The following SNTB1 variants were observed in gnomAD, a reference collection of about 807,000 sequenced individuals.
The protein encoded by SNTB1 is syntrophin beta 1, also known as beta-1-syntrophin.
SNTB1 carries 36 observed loss-of-function variants against 48.9 expected under a neutral mutation model. That is an observed-to-expected ratio of 0.74 (90% CI 0.56 to 0.97). SNTB1 has a LOEUF of 0.97. SNTB1 is among the 50% of genes least tolerant of loss of function. SNTB1 has a pLI of 0.00. For missense variants in SNTB1, 786 were observed against 703.4 expected (o/e 1.12, Z -1.33); for synonymous variants, 299 against 294.6 (o/e 1.01, Z -0.15).
chr8:120,616,265 C>G (rs1480593439), intron 3 of SNTB1, among the ~76,000 whole-genome samples: 1 of 150,722 alleles, frequency 6.6e-6, no homozygotes, highest in Non-Finnish European at 1.5e-5. Flanking sequence ...GATTCGACTA[C>G]TTGACTCAAC....
At chr8:120,804,313 T>C (rs73707130) in intron 1 of SNTB1, among the ~76,000 whole-genome samples, 3,655 of 152,098 alleles carry the variant, frequency 0.024, 130 homozygotes, top group African/African-American at 0.084. Flanking sequence ...TAACACATTT[T>C]AACAGCCTAA....
chr8:120,704,962 G>T (rs2129900937), intron 1 of SNTB1, among the ~76,000 whole-genome samples: 1 of 152,344 alleles, frequency 6.6e-6, no homozygotes, highest in African/African-American at 2.4e-5. Context: ...CCATAAGAAA[G>T]TAATAGGATA....
chr8:120,732,715 G>A (rs942789239), intron 1 of SNTB1, among the ~76,000 whole-genome samples: 6 of 152,108 alleles, frequency 3.9e-5, no homozygotes, highest in African/African-American at 1.4e-4. Context: ...GCATGTTGGC[G>A]CATGCCTGTA....
chr8:120,632,992 A>G (rs936332975), intron 2 of SNTB1, among the ~76,000 whole-genome samples: 7 of 152,172 alleles, frequency 4.6e-5, no homozygotes, highest in Non-Finnish European at 1.0e-4. Flanking sequence ...AATTTGCTTT[A>G]CTTCTTAATT....
intron 1 of SNTB1, among the ~76,000 whole-genome samples, chr8:120,701,680 A>G (rs570260755): frequency 6.6e-6 from 1 of 152,294 alleles, no homozygotes; most frequent in East Asian, 1.9e-4. Context: ...CATTATCTAG[A>G]AGAATCATTA....
At chr8:120,564,438 C>T (rs1186275997) in intron 4 of SNTB1, among the ~76,000 whole-genome samples, 1 of 151,304 alleles carries the variant, frequency 6.6e-6, no homozygotes, top group Non-Finnish European at 1.5e-5. Flanking sequence ...GGCTTCCAGC[C>T]TCTAGAATTG....
At chr8:120,578,983 G>C (rs9969413) in intron 3 of SNTB1, among the ~76,000 whole-genome samples, 137,981 of 152,174 alleles carry the variant, frequency 0.91, 62,641 homozygotes, top group Middle Eastern at 0.96. Context: ...TTGAGACCAG[G>C]CTGGCCAGCA....
chr8:120,722,037 C>T (rs1361621041), intron 1 of SNTB1, among the ~76,000 whole-genome samples: 1 of 152,160 alleles, frequency 6.6e-6, no homozygotes, highest in Non-Finnish European at 1.5e-5. Flanking sequence ...TGGTTTCCAG[C>T]TTCATCCATG....
intron 2 of SNTB1, among the ~76,000 whole-genome samples, chr8:120,675,640 A>G (rs903605850): frequency 6.6e-6 from 1 of 152,164 alleles, no homozygotes; most frequent in Non-Finnish European, 1.5e-5. Context: ...AATTAGCCAC[A>G]AGACCCAACA....
In SNTB1 at chr8:120,557,218, A is replaced by C. The variant is rs147040898; in HGVS notation, c.1137-8260T>G. 1.1e-3 allele frequency among the ~76,000 whole-genome samples: 173 copies of C among 152,322 alleles called. 1 individual carries two copies. The highest frequency in any genetic ancestry group is 2.1e-3 in the Non-Finnish European group (144 of 68,028). On this transcript the variant is annotated intron_variant, in intron 4 of 6. Transcript: ENST00000517992. ...GGAAAGGGTAAGCATAAATGTTTGC[A>C]TTATCTGTGGAAGTGTTCAAGCATG...
At chr8:120,730,929 G>C (rs1449466412) in intron 1 of SNTB1, among the ~76,000 whole-genome samples, 1 of 151,890 alleles carries the variant, frequency 6.6e-6, no homozygotes, top group Non-Finnish European at 1.5e-5. Flanking sequence ...AGACTACCGT[G>C]GCCAACATGG....
intron 3 of SNTB1, among the ~76,000 whole-genome samples, chr8:120,603,748 G>C (rs1816464435): frequency 6.6e-6 from 1 of 152,202 alleles, no homozygotes; most frequent in South Asian, 2.1e-4. Flanking sequence ...CACAGGTCCT[G>C]TGGGATTCAA....
chr8:120,640,396 C>A (rs962904531), intron 2 of SNTB1, among the ~76,000 whole-genome samples: 2 of 152,170 alleles, frequency 1.3e-5, no homozygotes, highest in Non-Finnish European at 2.9e-5. Context: ...ATTGCCCTGG[C>A]CAGAAGTTCC....
intron 3 of SNTB1, among the ~76,000 whole-genome samples, chr8:120,585,316 A>G (rs1816122160): frequency 6.6e-6 from 1 of 152,218 alleles, no homozygotes; most frequent in Non-Finnish European, 1.5e-5. Flanking sequence ...GCTGGAGTGC[A>G]CAGGCCCAGC....
intron 2 of SNTB1, among the ~76,000 whole-genome samples, chr8:120,641,147 G>A (rs1390303725): frequency 1.3e-5 from 2 of 152,100 alleles, no homozygotes; most frequent in Non-Finnish European, 2.9e-5. Flanking sequence ...TCAAAGAAAT[G>A]GGTAATAAAT....
At chr8:120,624,087 G>A (rs538620024) in intron 3 of SNTB1, among the ~76,000 whole-genome samples, 2 of 152,172 alleles carry the variant, frequency 1.3e-5, no homozygotes, top group Admixed American at 1.3e-4. Context: ...ACAGGCATGT[G>A]CCAACACACC....
intron 1 of SNTB1, among the ~76,000 whole-genome samples, chr8:120,763,587 T>TAA (rs768461376): frequency 6.6e-6 from 1 of 152,148 alleles, no homozygotes; most frequent in Non-Finnish European, 1.5e-5. Flanking sequence ...ACATAACAGT[T>TAA]AAAAAATTTT....
At chr8:120,571,284 C>T in intron 4 of SNTB1, 1 of 1,286,432 alleles carries the variant, frequency 7.8e-7, no homozygotes, top group Non-Finnish European at 1.0e-6. Flanking sequence ...TAACTGGAAT[C>T]CAGTGACTGT....
intron 1 of SNTB1, 93 bp downstream of exon 1, chr8:120,811,180 T>C (rs1010785127): frequency 3.0e-5 from 44 of 1,469,892 alleles, no homozygotes; most frequent in Middle Eastern, 2.4e-4. Context: ...TGTGTCCGCA[T>C]GTGGCCGAGT....
Sources: gnomAD v4.1 joint callset for allele counts (sites outside exome capture counted in the v4.1 genomes callset) on GRCh38, gnomAD v4.1.1 for gene constraint, MANE v1.5 for transcripts, NCBI Gene and HGNC (gene_info 2026-07-23, HGNC 2026-07-21) for gene names.